The following ADD3 variants were observed in gnomAD, a reference collection of about 807,000 sequenced individuals.
The protein encoded by ADD3 is adducin 3, also known as gamma-adducin.
ADD3 carries 25 observed loss-of-function variants against 80.2 expected under a neutral mutation model. The observed-to-expected ratio is 0.31, with a 90% CI of 0.23 to 0.44. The LOEUF is 0.44. Ranked by LOEUF, ADD3 falls within the 20% of genes least tolerant of loss-of-function variation. The pLI is 1.00. For missense variants in ADD3, 829 were observed against 847.5 expected (o/e 0.98, Z 0.27); for synonymous variants, 284 against 289.6 (o/e 0.98, Z 0.20).
chr10:110,116,897 C>A (rs527876308), intron 4 of ADD3, among the ~76,000 whole-genome samples: 1 of 152,286 alleles, frequency 6.6e-6, no homozygotes, highest in East Asian at 1.9e-4. Flanking sequence ...GGAAATGGTA[C>A]AGATGCAGTC....
Position 110,122,233 on chromosome 10 carries a change from C to A in ADD3, c.1084C>A (p.Gln362Lys), listed in dbSNP as rs759190548. 8.7e-6 allele frequency: 14 copies of A among 1,613,918 alleles called. No individual in the cohort carries two copies. Among genetic ancestry groups the A allele is most frequent in the African/African-American group, 2.7e-5 (2 of 74,882 alleles). Reference sequence around the variant, plus strand: ...AGGAGGTGTGAATATGGGTTCCCATCAAAAATGGAAGGTTGGCGAAATTGA... The same window carrying A: ...AGGAGGTGTGAATATGGGTTCCCATAAAAAATGGAAGGTTGGCGAAATTGA... ...GGGGVNMGSHQKWKVGEIEFE... is the reference protein window; with the variant it reads ...GGGGVNMGSHKKWKVGEIEFE... The change falls in exon 9 of 15, where the codon CAA becomes AAA. Residue 362 changes from glutamine to lysine, a missense_variant. Gln to Lys is a moderately conservative substitution (Grantham distance 53). Coordinates refer to ENST00000356080, the MANE Select transcript of ADD3 (RefSeq NM_016824.5).
rs755864259 is a variant in ADD3, at chr10:110,130,371, A to G, written c.1617A>G (p.Gln539=). Residue 539 remains glutamine (Q), a synonymous_variant, in exon 13 of 15, where the codon CAA becomes CAG. Coordinates refer to ENST00000356080, the MANE Select transcript of ADD3 (RefSeq NM_016824.5). ...IVVDKPPSTM[Q]FEDDDHGPPA... is the part of the protein sequence containing the mutation. ...TATTTTTTCTTTGTAAGACTATGCA[A>G]TTTGAAGATGATGATCATGGCCCAC... The G allele has an allele frequency of 6.3e-5, 101 of 1,613,796 alleles. No homozygotes were observed. The South Asian group carries it at 1.0e-3, about 16-fold the overall frequency.
At chr10:110,108,877 AT>A (rs34334427) in intron 2 of ADD3, among the ~76,000 whole-genome samples, 25 of 151,952 alleles carry the variant, frequency 1.6e-4, no homozygotes, top group African/African-American at 4.8e-4. Flanking sequence ...TTGAAAAAAA[AT>A]TTTTTTTATA....
At chr10:110,030,680 C>T (rs1589793206) in intron 1 of ADD3, among the ~76,000 whole-genome samples, 3 of 151,630 alleles carry the variant, frequency 2.0e-5, no homozygotes, top group African/African-American at 7.2e-5. Flanking sequence ...GTGGCTAGTC[C>T]TAATTGAGAT....
At chr10:110,038,956 G>A (rs548739063) in intron 1 of ADD3, among the ~76,000 whole-genome samples, 12 of 152,320 alleles carry the variant, frequency 7.9e-5, no homozygotes, top group South Asian at 4.1e-4. Flanking sequence ...TTGCATGAAT[G>A]TACATGTATA....
chr10:110,090,974 T>A (rs1484309223), intron 1 of ADD3, among the ~76,000 whole-genome samples: 1 of 152,166 alleles, frequency 6.6e-6, no homozygotes, highest in Non-Finnish European at 1.5e-5. Context: ...ATTTTAAAGA[T>A]AACAAGTCAT....
intron 1 of ADD3, among the ~76,000 whole-genome samples, chr10:110,021,387 A>T (rs1177338364): frequency 6.6e-6 from 1 of 152,218 alleles, no homozygotes; most frequent in African/African-American, 2.4e-5. Context: ...AGAATTGAAA[A>T]TGTGTTCCCA....
In ADD3 at chr10:110,061,992, C is replaced by T. The variant is rs150186993; in HGVS notation, c.-29-38633C>T. On this transcript the variant is annotated intron_variant, in intron 1 of 14. Coordinates refer to ENST00000356080, the MANE Select transcript of ADD3 (RefSeq NM_016824.5). ...CTATAATCCCAACACTTTGGGGTTC[C>T]AGGGCAGGAGGATCACTTGAGCCCA... Among the ~76,000 whole-genome samples the T allele has an allele frequency of 5.5e-4, 84 of 151,966 alleles. 1 individual carries two copies. In the East Asian group the frequency reaches 0.016, roughly 28 times the overall value.
At chr10:110,126,975 A>G (rs1339445309) in intron 12 of ADD3, among the ~76,000 whole-genome samples, 1 of 152,200 alleles carries the variant, frequency 6.6e-6, no homozygotes, top group Non-Finnish European at 1.5e-5. Context: ...ACTAAAAGAG[A>G]AAAAACACTG....
At chr10:110,072,982 C>G (rs1219326763) in intron 1 of ADD3, among the ~76,000 whole-genome samples, 1 of 152,050 alleles carries the variant, frequency 6.6e-6, no homozygotes, top group Non-Finnish European at 1.5e-5. Context: ...CAGCTGAATC[C>G]CACAACTGAG....
chr10:110,092,227 A>G (rs1317443138), intron 1 of ADD3, among the ~76,000 whole-genome samples: 3 of 152,194 alleles, frequency 2.0e-5, no homozygotes, highest in Non-Finnish European at 4.4e-5. Flanking sequence ...TGTATACCCA[A>G]AGGAATATAA....
intron 1 of ADD3, among the ~76,000 whole-genome samples, chr10:110,071,119 A>T (rs1266645299): frequency 2.0e-5 from 3 of 152,204 alleles, no homozygotes; most frequent in Non-Finnish European, 4.4e-5. Context: ...TTAAAAAAAA[A>T]TTGGGGGAAT....
intron 1 of ADD3, among the ~76,000 whole-genome samples, chr10:110,026,066 A>G (rs7093609): frequency 0.97 from 148,036 of 152,266 alleles, 72,075 homozygotes; most frequent in East Asian, 1. Flanking sequence ...TGTGCTCACC[A>G]CTGAAGCAAG....
chr10:110,009,894 T>C (rs182336297), intron 1 of ADD3, among the ~76,000 whole-genome samples: 36 of 152,346 alleles, frequency 2.4e-4, no homozygotes, highest in African/African-American at 6.7e-4. Context: ...ATTTTACATA[T>C]ATGATATCAG....
Position 110,133,365 on chromosome 10 carries a change from A to T in ADD3, c.1868A>T (p.Glu623Val). ...TTTTCCAAGAGCTTCATCTCCATGG[A>T]AGTGCCTGTCATGGTAGTAAATGGC... ...ELFSKSFISM[E>V]VPVMVVNGKD... Residue 623 changes from glutamate to valine, a missense_variant, in exon 15 of 15, where the codon GAA becomes GTA. By Grantham distance (121) the Glu-to-Val change is moderately radical. Coordinates refer to ENST00000356080, the MANE Select transcript of ADD3 (RefSeq NM_016824.5). 1 of 1,603,562 alleles carries T rather than the reference A, an allele frequency of 6.2e-7. No individual in the cohort carries two copies. Among genetic ancestry groups the T allele is most frequent in the Non-Finnish European group, 8.5e-7 (1 of 1,171,684 alleles).
chr10:110,010,978 C>G (rs1852267689), intron 1 of ADD3, among the ~76,000 whole-genome samples: 1 of 152,102 alleles, frequency 6.6e-6, no homozygotes, highest in South Asian at 2.1e-4. Context: ...ATACAGTCAC[C>G]TTTTGACATT....
intron 2 of ADD3, among the ~76,000 whole-genome samples, 185 bp downstream of exon 2, chr10:110,101,033 A>G (rs56006026): frequency 1.9e-3 from 286 of 152,318 alleles, no homozygotes; most frequent in Admixed American, 4.6e-3. Flanking sequence ...CAGAGCCTTA[A>G]TGACAACCTA....
chr10:110,043,478 A>T (rs900763961), intron 1 of ADD3, among the ~76,000 whole-genome samples: 5 of 152,002 alleles, frequency 3.3e-5, no homozygotes, highest in African/African-American at 1.2e-4. Context: ...CTGCTGCTTT[A>T]TTTTTATTTT....
At chr10:110,066,985 T>C (rs1456195482) in intron 1 of ADD3, among the ~76,000 whole-genome samples, 1 of 152,238 alleles carries the variant, frequency 6.6e-6, no homozygotes, top group Non-Finnish European at 1.5e-5. Flanking sequence ...TACACTTGGT[T>C]GCTCTGTTCT....
Sources: allele counts gnomAD v4.1 joint callset (sites outside exome capture counted in the v4.1 genomes callset), GRCh38; gene constraint gnomAD v4.1.1; transcripts MANE v1.5; gene names NCBI Gene and HGNC (gene_info 2026-07-23, HGNC 2026-07-21).